Variants in NCAM1 observed in about 807,000 individuals in gnomAD.
The protein encoded by NCAM1 is neural cell adhesion molecule 1, also known as antigen recognized by monoclonal antibody 5.1H11.
Under a neutral mutation model 109.8 loss-of-function variants are expected in NCAM1, and 14 were observed. The observed-to-expected ratio is 0.13, with a 90% CI of 0.08 to 0.20. The LOEUF (loss-of-function observed/expected upper bound fraction) is 0.20, where lower values mean the gene tolerates loss of function less well. Among genes scored for constraint, NCAM1 ranks in the 10% least tolerant of loss-of-function variants. NCAM1 has a pLI of 1.00. For missense variants in NCAM1, 774 were observed against 1,109.9 expected (o/e 0.70, Z 4.30); for synonymous variants, 418 against 442.9 (o/e 0.94, Z 0.70).
chr11:113,222,612 G>A lies in NCAM1; in HGVS notation c.1089+1287G>A, dbSNP rs1257543242. On this transcript the variant is annotated intron_variant, in intron 9 of 19. Coordinates refer to ENST00000316851, the MANE Select transcript of NCAM1 (RefSeq NM_181351.5). ...AAGTCATGGACCCACTGGGATTGGG[G>A]AAGAGAGAGAAGGGTTAATTATCAG... 2.6e-5 allele frequency among the ~76,000 whole-genome samples: 4 copies of A among 152,206 alleles called. No individual in the cohort carries two copies. In the East Asian group the frequency reaches 7.7e-4, roughly 29 times the overall value.
chr11:113,174,038 T>A (rs1164763586), intron 1 of NCAM1, among the ~76,000 whole-genome samples: 8 of 152,156 alleles, frequency 5.3e-5, no homozygotes, highest in African/African-American at 1.7e-4. Context: ...ATGCTGTGTG[T>A]CCAGTGCAGC....
chr11:113,195,641 C>T (rs1943832689), intron 1 of NCAM1, among the ~76,000 whole-genome samples: 1 of 151,372 alleles, frequency 6.6e-6, no homozygotes, highest in African/African-American at 2.4e-5. Context: ...TAGCTGGGAC[C>T]ACAGGCGCCC....
At chr11:113,263,339 A>G in intron 17 of NCAM1, 20 of 1,001,474 alleles carry the variant, frequency 2.0e-5, no homozygotes, top group Non-Finnish European at 2.3e-5. Context: ...ATCACCACAC[A>G]TTCCCCTCAT....
intron 1 of NCAM1, among the ~76,000 whole-genome samples, chr11:113,091,337 T>TGGCTCAAAGGGTTATCTCA (rs1308455300): frequency 2.9e-4 from 44 of 152,334 alleles, no homozygotes; most frequent in Non-Finnish European, 5.4e-4. Context: ...GGGATATCTT[T>TGGCTCAAAGGGTTATCTCA]GGCTCAAAGG....
intron 1 of NCAM1, among the ~76,000 whole-genome samples, chr11:113,046,163 CAT>C (rs1953260406): frequency 1.3e-5 from 2 of 152,176 alleles, no homozygotes; most frequent in South Asian, 4.1e-4. Context: ...AAGGCAGAGT[CAT>C]AACATTATTG....
chr11:113,178,010 T>C (rs1555107361), intron 1 of NCAM1, among the ~76,000 whole-genome samples: 1 of 151,962 alleles, frequency 6.6e-6, no homozygotes, highest in Non-Finnish European at 1.5e-5. Context: ...ACTAAATAAA[T>C]GGATAGTCAA....
At position 113,207,992 on chromosome 11, in the gene NCAM1, C is replaced by G. The variant is rs1565500373; in HGVS notation, c.906C>G (p.Leu302=). 1.2e-6 allele frequency: 2 copies of G among 1,608,742 alleles called. No homozygotes were observed. Among genetic ancestry groups the G allele is most frequent in the Non-Finnish European group, 8.5e-7 (1 of 1,177,598 alleles). ...GCGAGCAGGATGCGACCATCCACCT[C>G]AAAGTCTTTGGTAGGGGCAGTGGGG... ...KAGEQDATIH[L]KVFAKPKITY... The change falls in exon 7 of 20, where the codon CTC becomes CTG. Residue 302 remains leucine, a synonymous_variant. Coordinates refer to ENST00000316851, the MANE Select transcript of NCAM1 (RefSeq NM_181351.5).
At chr11:113,147,021 A>G (rs1942043800) in intron 1 of NCAM1, among the ~76,000 whole-genome samples, 1 of 151,674 alleles carries the variant, frequency 6.6e-6, no homozygotes, top group South Asian at 2.1e-4. Flanking sequence ...TTCCTGAAGA[A>G]TGATCTCAAT....
intron 14 of NCAM1, 165 bp downstream of exon 14, chr11:113,235,329 C>A: frequency 7.2e-7 from 1 of 1,385,648 alleles, no homozygotes; most frequent in Non-Finnish European, 1.0e-6. Context: ...TTCTCAGTGA[C>A]AGCTAACACA....
chr11:113,150,116 T>TA (rs1227139027), intron 1 of NCAM1, among the ~76,000 whole-genome samples: 4 of 151,968 alleles, frequency 2.6e-5, no homozygotes, highest in South Asian at 2.1e-4. Flanking sequence ...TTATTTAAAA[T>TA]AAAAAAATAA....
At chr11:113,200,391 G>A (rs1216556664) in intron 1 of NCAM1, among the ~76,000 whole-genome samples, 2 of 152,172 alleles carry the variant, frequency 1.3e-5, no homozygotes, top group African/African-American at 4.8e-5. Flanking sequence ...GATACGATGG[G>A]CCCTTATCAA....
chr11:113,107,437 G>A (rs1017315445), intron 1 of NCAM1, among the ~76,000 whole-genome samples: 3 of 152,160 alleles, frequency 2.0e-5, no homozygotes, highest in Non-Finnish European at 4.4e-5. Context: ...GAAATGTTAT[G>A]CCCCTCGTAT....
At chr11:113,091,416 T>C (rs1939338537) in intron 1 of NCAM1, among the ~76,000 whole-genome samples, 1 of 152,212 alleles carries the variant, frequency 6.6e-6, no homozygotes, top group Admixed American at 6.5e-5. Context: ...CTCAGGGTTC[T>C]AGTGCCAGAC....
chr11:113,106,443 T>G (rs1174524899), intron 1 of NCAM1, among the ~76,000 whole-genome samples: 19 of 152,298 alleles, frequency 1.2e-4, no homozygotes, highest in African/African-American at 4.6e-4. Context: ...CTACATAGGG[T>G]GGCTCTTGTA....
intron 19 of NCAM1, 130 bp downstream of exon 19, chr11:113,272,006 C>G: frequency 1.6e-6 from 1 of 627,646 alleles, no homozygotes. Context: ...ATTCCAAACC[C>G]TTGGCCACAA....
chr11:113,269,771 C>T, intron 17 of NCAM1: 1 of 233,430 alleles, frequency 4.3e-6, no homozygotes, highest in South Asian at 6.7e-5. Context: ...TATCCCTGAG[C>T]ACTTGAGGAG....
At chr11:113,083,277 G>T (rs1403824374) in intron 1 of NCAM1, among the ~76,000 whole-genome samples, 1 of 152,094 alleles carries the variant, frequency 6.6e-6, no homozygotes. Flanking sequence ...GTTATGAAGA[G>T]ACTCAATTTC....
At chr11:113,176,096 G>A (rs2136516039) in intron 1 of NCAM1, among the ~76,000 whole-genome samples, 1 of 152,192 alleles carries the variant, frequency 6.6e-6, no homozygotes, top group East Asian at 1.9e-4. Flanking sequence ...ACAATTTAAT[G>A]TGTCTTAGGG....
chr11:113,190,205 G>A (rs1943636011), intron 1 of NCAM1, among the ~76,000 whole-genome samples: 1 of 152,218 alleles, frequency 6.6e-6, no homozygotes, highest in Non-Finnish European at 1.5e-5. Context: ...TCACAAGGTA[G>A]AAGTACGAAG....
Sources: allele counts gnomAD v4.1 joint callset (sites outside exome capture counted in the v4.1 genomes callset), GRCh38; gene constraint gnomAD v4.1.1; transcripts MANE v1.5; gene names NCBI Gene and HGNC (gene_info 2026-07-23, HGNC 2026-07-21).